MAST4: variants seen among roughly 807,000 people sequenced by gnomAD.
MAST4 encodes microtubule associated serine/threonine kinase family member 4, also known as microtubule-associated serine/threonine-protein kinase 4.
In MAST4, 89 loss-of-function variants were observed where a neutral mutation model predicts 162.7. The ratio of observed to expected loss-of-function variants is 0.55; its 90% confidence interval spans 0.46 to 0.65. The LOEUF is 0.65. Among genes scored for constraint, MAST4 ranks in the 30% least tolerant of loss-of-function variants. The pLI is 0.00. For synonymous variants in MAST4, 1,479 were observed against 1,361.1 expected, an observed-to-expected ratio of 1.09 and a Z score of -1.91; for missense variants, 3,153 against 3,374.0, an observed-to-expected ratio of 0.93 and a Z score of 1.62.
intron 4 of MAST4, among the ~76,000 whole-genome samples, chr5:67,009,531 A>G (rs535887764): frequency 1.3e-5 from 2 of 152,374 alleles, no homozygotes; most frequent in South Asian, 4.1e-4. Flanking sequence ...TGCTCCGTCT[A>G]TAAAATAGGG....
At chr5:66,687,202 A>G (rs1463680985) in intron 1 of MAST4, among the ~76,000 whole-genome samples, 1 of 152,096 alleles carries the variant, frequency 6.6e-6, no homozygotes, top group African/African-American at 2.4e-5. Flanking sequence ...ATTGTACCCA[A>G]TACGTAGTTT....
intron 3 of MAST4, among the ~76,000 whole-genome samples, chr5:66,877,881 CA>C (rs1329786333): frequency 1.3e-5 from 2 of 152,114 alleles, no homozygotes; most frequent in Non-Finnish European, 2.9e-5. Flanking sequence ...CCTTTAAAAG[CA>C]AAAACAATAG....
At chr5:67,042,500 G>C (rs965271938) in intron 4 of MAST4, among the ~76,000 whole-genome samples, 1 of 151,966 alleles carries the variant, frequency 6.6e-6, no homozygotes, top group African/African-American at 2.4e-5. Context: ...AGTTAATTAA[G>C]GGAAAACATT....
At chr5:66,700,092 T>C (rs1749669257) in intron 1 of MAST4, among the ~76,000 whole-genome samples, 1 of 152,218 alleles carries the variant, frequency 6.6e-6, no homozygotes, top group South Asian at 2.1e-4. Flanking sequence ...CTCTGTGGCT[T>C]TGCCTCTATT....
chr5:67,052,857 G>A (rs75070734), intron 4 of MAST4, among the ~76,000 whole-genome samples: 8 of 151,916 alleles, frequency 5.3e-5, no homozygotes, highest in South Asian at 2.1e-4. Context: ...ATTAACATCA[G>A]CAAGTTAATA....
At chr5:67,119,622 G>C (rs1322611151) in intron 13 of MAST4, among the ~76,000 whole-genome samples, 1 of 152,206 alleles carries the variant, frequency 6.6e-6, no homozygotes, top group Non-Finnish European at 1.5e-5. Flanking sequence ...GTATCACATA[G>C]TAAGTGCTAA....
In MAST4 at chr5:66,759,872, A is replaced by G; in HGVS notation, c.517+10A>G. The G allele has an allele frequency of 1.2e-6, 2 of 1,613,636 alleles. No homozygotes were observed. The highest frequency in any genetic ancestry group is 1.7e-6 in the Non-Finnish European group (2 of 1,179,688). ...GGAGGAGCCCTGACTGGTGAGTCGCAGCGGCTTGGATGAGAGAAGGAATTG... is the reference window on the plus strand; with the variant it reads ...GGAGGAGCCCTGACTGGTGAGTCGCGGCGGCTTGGATGAGAGAAGGAATTG... On this transcript the variant is annotated intron_variant, in intron 2 of 28. Coordinates refer to ENST00000403625, the MANE Select transcript of MAST4 (RefSeq NM_001164664.2).
chr5:66,825,885 T>G (rs936037886), intron 3 of MAST4, among the ~76,000 whole-genome samples: 1 of 152,206 alleles, frequency 6.6e-6, no homozygotes, highest in Non-Finnish European at 1.5e-5. Flanking sequence ...ACTTTGTGAA[T>G]TGACTCACAA....
chr5:66,879,278 CAA>C, intron 3 of MAST4, among the ~76,000 whole-genome samples: 1 of 150,566 alleles, frequency 6.6e-6, no homozygotes, highest in Non-Finnish European at 1.5e-5. Context: ...GACTCCGTCT[CAA>C]AAAAAAAGTA....
At position 67,121,176 on chromosome 5, in the gene MAST4, T is replaced by C; in HGVS notation, c.1745+74T>C. The C allele has an allele frequency of 3.4e-6, 4 of 1,186,108 alleles. No homozygotes were observed. In the South Asian group the frequency reaches 5.5e-5, roughly 16 times the overall value. 73.5% of individuals were successfully genotyped at this position (1,186,108 alleles called of 1,614,324 possible). A position where few individuals can be genotyped will look rare whatever the true frequency, so the allele number is the denominator to read the frequency against. The stretch of plus-strand genomic sequence containing the variant: ...GATATATTTATTCTTAACATTTATC[T>C]AAGGCCAAATAGAAGCTGTATAGGG... On this transcript the variant is annotated intron_variant, in intron 14 of 28. Transcript: ENST00000403625.
intron 3 of MAST4, among the ~76,000 whole-genome samples, chr5:66,849,447 T>C (rs920264906): frequency 6.6e-6 from 1 of 152,128 alleles, no homozygotes; most frequent in Non-Finnish European, 1.5e-5. Context: ...CTCTTTACCC[T>C]ACTCCTCTTC....
chr5:66,737,825 TG>T (rs1420562098), intron 1 of MAST4, among the ~76,000 whole-genome samples: 8 of 152,186 alleles, frequency 5.3e-5, no homozygotes, highest in Admixed American at 4.6e-4. Flanking sequence ...TAGGACCGCT[TG>T]AGGCAGATAT....
chr5:66,701,066 T>C (rs1420406548), intron 1 of MAST4, among the ~76,000 whole-genome samples: 2 of 152,166 alleles, frequency 1.3e-5, no homozygotes, highest in Non-Finnish European at 2.9e-5. Flanking sequence ...ATCATTAATG[T>C]AATTAAGTAA....
intron 2 of MAST4, 65 bp from the exon 3 acceptor site, chr5:66,788,605 C>CCCCAAGCAAAAAAAAAAAAAAAA: frequency 7.4e-7 from 1 of 1,344,528 alleles, no homozygotes; most frequent in Non-Finnish European, 1.0e-6. Flanking sequence ...CACCCCCACC[C>CCCCAAGCAAAAAAAAAAAAAAAA]CCATTGCAAT....
chr5:66,625,349 A>G (rs765907095), intron 1 of MAST4, among the ~76,000 whole-genome samples: 12 of 152,220 alleles, frequency 7.9e-5, no homozygotes, highest in African/African-American at 1.9e-4. Flanking sequence ...TATAAATACA[A>G]TATTCCTCAT....
chr5:67,071,822 A>G (rs984296214), intron 5 of MAST4, among the ~76,000 whole-genome samples: 5 of 152,232 alleles, frequency 3.3e-5, no homozygotes, highest in African/African-American at 1.2e-4. Context: ...AATTGGAAAG[A>G]TGAGTTATAA....
chr5:66,969,884 T>C (rs1437675581), intron 4 of MAST4, among the ~76,000 whole-genome samples: 1 of 152,224 alleles, frequency 6.6e-6, no homozygotes, highest in African/African-American at 2.4e-5. Flanking sequence ...GTGGAGAACA[T>C]TGAAAAAATC....
At chr5:66,977,675 G>T (rs944460203) in intron 4 of MAST4, among the ~76,000 whole-genome samples, 1 of 151,950 alleles carries the variant, frequency 6.6e-6, no homozygotes, top group East Asian at 1.9e-4. Context: ...TCTGCTCTTG[G>T]GTTTACATTA....
At position 66,789,415 on chromosome 5, in the gene MAST4, G is replaced by A. The variant is rs574570050; in HGVS notation, c.642+621G>A. Among the ~76,000 whole-genome samples the A allele has an allele frequency of 2.1e-3, 325 of 152,224 alleles. 1 individual carries two copies. The highest frequency in any genetic ancestry group is 0.014 in the Middle Eastern group (4 of 294). ...CTCTCCAGTGTAGGATCCAGTCTAG[G>A]GTCATGTGTTGCATTAAATTGTCCC... On this transcript the variant is annotated intron_variant, in intron 3 of 28. Coordinates refer to ENST00000403625, the MANE Select transcript of MAST4 (RefSeq NM_001164664.2).
Sources: gnomAD v4.1 joint callset for allele counts (sites outside exome capture counted in the v4.1 genomes callset) on GRCh38, gnomAD v4.1.1 for gene constraint, MANE v1.5 for transcripts, NCBI Gene and HGNC (gene_info 2026-07-23, HGNC 2026-07-21) for gene names.